The following PPP1R42 variants were observed in gnomAD, a reference collection of about 807,000 sequenced individuals.
PPP1R42 encodes the protein protein phosphatase 1 regulatory subunit 42.
Under a neutral mutation model 31.0 loss-of-function variants are expected in PPP1R42, and 34 were observed. The ratio of observed to expected loss-of-function variants is 1.10; its 90% CI spans 0.83 to 1.46. PPP1R42 has a LOEUF of 1.46. PPP1R42 is among the 40% of genes most tolerant of loss of function. PPP1R42 has a pLI of 0.00. For synonymous variants in PPP1R42, 103 were observed against 109.8 expected (o/e 0.94, Z 0.39); for missense variants, 268 against 303.0 (o/e 0.88, Z 0.86).
chr8:67,014,405 T>C, intron 3 of PPP1R42, 21 bp downstream of exon 3: 1 of 1,379,492 alleles, frequency 7.2e-7, no homozygotes, highest in South Asian at 1.6e-5. Flanking sequence ...AGATACATTA[T>C]TAAAAAATAA....
chr8:66,988,108 A>G, intron 6 of PPP1R42: 1 of 1,026,130 alleles, frequency 9.7e-7, no homozygotes, highest in Non-Finnish European at 1.2e-6. Context: ...AAAGTTTGGC[A>G]AAAGGTCAGC....
intron 7 of PPP1R42, among the ~76,000 whole-genome samples, chr8:66,971,307 C>G (rs1814532503): frequency 6.6e-6 from 1 of 152,114 alleles, no homozygotes; most frequent in Non-Finnish European, 1.5e-5. Context: ...CACAGACTTT[C>G]ATATACAAAA....
intron 3 of PPP1R42, 110 bp from the exon 4 acceptor site, chr8:67,013,206 T>C: frequency 1.3e-6 from 1 of 798,658 alleles, no homozygotes; most frequent in Non-Finnish European, 1.9e-6. Flanking sequence ...AAATTATAAA[T>C]GTGGAATGTT....
At position 67,007,057 on chromosome 8, in the gene PPP1R42, T is replaced by G. The variant is rs113933741; in HGVS notation, c.552+3658A>C. On this transcript the variant is annotated intron_variant, in intron 5 of 7. Coordinates refer to ENST00000685739, the MANE Select transcript of PPP1R42 (RefSeq NM_001364910.1). Reference sequence around the variant, plus strand: ...TGCGCCCGGCCTCTTTTTTTTTTTTTAGTAGAGACAGAGTTTTACCATGTT... The same window carrying G: ...TGCGCCCGGCCTCTTTTTTTTTTTTGAGTAGAGACAGAGTTTTACCATGTT... Among the ~76,000 whole-genome samples the G allele has an allele frequency of 5.7e-3, 862 of 151,676 alleles. 7 individuals carry two copies. Among genetic ancestry groups the G allele is most frequent in the African/African-American group, 0.02 (833 of 41,402 alleles).
At chr8:66,978,556 A>C (rs576291319) in intron 7 of PPP1R42, among the ~76,000 whole-genome samples, 4 of 152,184 alleles carry the variant, frequency 2.6e-5, no homozygotes, top group Admixed American at 2.6e-4. Flanking sequence ...AAGTAGCTGG[A>C]ATTGTAGGTG....
intron 5 of PPP1R42, among the ~76,000 whole-genome samples, chr8:67,000,331 C>G (rs1400411546): frequency 1.3e-5 from 2 of 151,768 alleles, no homozygotes; most frequent in Non-Finnish European, 2.9e-5. Flanking sequence ...TATAACTTTC[C>G]CTCTAAGCAT....
intron 5 of PPP1R42, among the ~76,000 whole-genome samples, chr8:66,995,818 C>A (rs1360208718): frequency 6.6e-6 from 1 of 152,154 alleles, no homozygotes; most frequent in African/African-American, 2.4e-5. Flanking sequence ...GGGCTTATAA[C>A]AAAACCACTT....
At chr8:67,011,482 AC>A (rs1308570347) in intron 4 of PPP1R42, among the ~76,000 whole-genome samples, 1 of 152,204 alleles carries the variant, frequency 6.6e-6, no homozygotes, top group Non-Finnish European at 1.5e-5. Context: ...AGCAGAGATC[AC>A]GCCTGGGCGA....
chr8:66,975,154 CT>C (rs1814634154), intron 7 of PPP1R42, among the ~76,000 whole-genome samples: 1 of 152,054 alleles, frequency 6.6e-6, no homozygotes, highest in South Asian at 2.1e-4. Flanking sequence ...TGTTTAATTT[CT>C]TTTAAAATTT....
chr8:66,974,156 C>G lies in PPP1R42; in HGVS notation c.802+7893G>C, dbSNP rs529730373. The stretch of plus-strand genomic sequence containing the variant: ...GTCCTATTTTTAACTTTTTGAGGAA[C>G]GTTCATACTGTTTGCTATAGTGGCT... On this transcript the variant is annotated intron_variant, in intron 7 of 7. Transcript: ENST00000685739. Among the ~76,000 whole-genome samples the G allele has an allele frequency of 9.9e-5, 15 of 152,260 alleles. No homozygotes were observed. The South Asian group carries it at 3.1e-3, about 32-fold the overall frequency.
chr8:67,012,389 T>A (rs1470774386), intron 4 of PPP1R42, among the ~76,000 whole-genome samples: 1 of 152,162 alleles, frequency 6.6e-6, no homozygotes, highest in Non-Finnish European at 1.5e-5. Context: ...CTCTGGCTTC[T>A]CAATTTATTG....
Position 66,982,166 on chromosome 8 carries a change from T to C in PPP1R42, c.685A>G (p.Lys229Glu). The change falls in exon 7 of 8, where the codon AAA becomes GAA. Residue 229 changes from lysine (K) to glutamate (E), a missense_variant. Coordinates refer to ENST00000685739, the MANE Select transcript of PPP1R42 (RefSeq NM_001364910.1). Reference protein sequence around the residue: ...VSKSLEFLDGKEIKNIERQFL... With the variant: ...VSKSLEFLDGEEIKNIERQFL... ...TGTCTTTCTATATTTTTAATTTCTTTTCCATCAAGAAATTCTGGAGAAAAA... is the reference window on the plus strand; with the variant it reads ...TGTCTTTCTATATTTTTAATTTCTTCTCCATCAAGAAATTCTGGAGAAAAA... 7.0e-7 allele frequency: 1 copy of C among 1,431,368 alleles called. No homozygotes were observed. The allele number at this position is 1,431,368 out of a possible 1,614,324, so 88.7% of individuals were successfully genotyped here.
chr8:66,978,872 T>A (rs1185911154), intron 7 of PPP1R42, among the ~76,000 whole-genome samples: 2 of 152,212 alleles, frequency 1.3e-5, no homozygotes, highest in African/African-American at 2.4e-5. Context: ...TTTTGAGAAA[T>A]GTCTGTTCAG....
At chr8:67,011,399 C>T (rs965931627) in intron 4 of PPP1R42, among the ~76,000 whole-genome samples, 4 of 152,198 alleles carry the variant, frequency 2.6e-5, no homozygotes, top group South Asian at 2.1e-4. Context: ...TGGTGCCACA[C>T]GCCTGTAGTC....
intron 7 of PPP1R42, chr8:66,968,501 G>A: frequency 1.0e-6 from 1 of 984,492 alleles, no homozygotes; most frequent in Non-Finnish European, 1.2e-6. Flanking sequence ...CACGTCTGCT[G>A]ATGCCAGCTC....
intron 5 of PPP1R42, among the ~76,000 whole-genome samples, chr8:66,989,112 A>C (rs1319490325): frequency 6.6e-6 from 1 of 152,158 alleles, no homozygotes; most frequent in Non-Finnish European, 1.5e-5. Flanking sequence ...GGGAGGGTAC[A>C]TATTTTTAAT....
intron 5 of PPP1R42, among the ~76,000 whole-genome samples, chr8:67,001,957 G>A (rs117564004): frequency 1.3e-5 from 2 of 152,138 alleles, no homozygotes; most frequent in Non-Finnish European, 2.9e-5. Flanking sequence ...GTAAGACCCT[G>A]TCTAAAAACA....
chr8:67,003,669 ATT>A (rs1303760660), intron 5 of PPP1R42, among the ~76,000 whole-genome samples: 2 of 151,482 alleles, frequency 1.3e-5, no homozygotes, highest in African/African-American at 4.9e-5. Context: ...ATATTTCTCC[ATT>A]TTCCCCCTAT....
rs532755509 is a variant in PPP1R42 at position 66,976,088 on chromosome 8, C to T, written c.802+5961G>A. Among the ~76,000 whole-genome samples the T allele has an allele frequency of 3.9e-5, 6 of 152,224 alleles. 1 individual carries two copies. Among genetic ancestry groups the T allele is most frequent in the South Asian group, 4.2e-4 (2 of 4,818 alleles). Reference sequence around the variant, plus strand: ...TCGCATTACCACCTGAGCTCTGCCTCCTATCAGATCTGCTACAGCATTGGA... The same window carrying T: ...TCGCATTACCACCTGAGCTCTGCCTTCTATCAGATCTGCTACAGCATTGGA... On this transcript the variant is annotated intron_variant, in intron 7 of 7. Coordinates refer to ENST00000685739, the MANE Select transcript of PPP1R42 (RefSeq NM_001364910.1).
Sources: gnomAD v4.1 joint callset for allele counts (sites outside exome capture counted in the v4.1 genomes callset) on GRCh38, gnomAD v4.1.1 for gene constraint, MANE v1.5 for transcripts, NCBI Gene and HGNC (gene_info 2026-07-23, HGNC 2026-07-21) for gene names.